SCARB2: variants seen among roughly 807,000 people sequenced by gnomAD.
The protein encoded by SCARB2 is lysosome membrane protein 2.
SCARB2 carries 29 observed loss-of-function variants against 58.6 expected under a neutral mutation model. That is an observed-to-expected ratio of 0.49 (90% CI 0.37 to 0.67). SCARB2 has a LOEUF of 0.67. Ranked by LOEUF, SCARB2 falls within the 30% of genes least tolerant of loss-of-function variation. SCARB2 has a pLI of 0.00. For synonymous variants in SCARB2, 195 were observed against 210.1 expected, an observed-to-expected ratio of 0.93 and a Z score of 0.62; for missense variants, 488 against 578.5, an observed-to-expected ratio of 0.84 and a Z score of 1.60.
intron 1 of SCARB2, among the ~76,000 whole-genome samples, chr4:76,225,597 GC>G (rs1733383411): frequency 6.6e-6 from 1 of 152,208 alleles, no homozygotes; most frequent in Non-Finnish European, 1.5e-5. Context: ...TAATCATAAA[GC>G]GATGCTGGAT....
intron 7 of SCARB2, among the ~76,000 whole-genome samples, chr4:76,170,441 T>A (rs1162671465): frequency 3.3e-5 from 5 of 152,212 alleles, no homozygotes; most frequent in Admixed American, 6.5e-5. Context: ...AAGGGTGTTG[T>A]ACCTCAAAGC....
chr4:76,207,720 T>C (rs1732956996), intron 1 of SCARB2, among the ~76,000 whole-genome samples: 1 of 152,236 alleles, frequency 6.6e-6, no homozygotes, highest in South Asian at 2.1e-4. Flanking sequence ...TTTTCATCAA[T>C]GAGCTTATAA....
intron 2 of SCARB2, among the ~76,000 whole-genome samples, chr4:76,181,657 T>C (rs930527740): frequency 6.6e-6 from 1 of 152,114 alleles, no homozygotes; most frequent in African/African-American, 2.4e-5. Flanking sequence ...CTCAGCCTCC[T>C]GGGCTCAAAC....
intron 1 of SCARB2, among the ~76,000 whole-genome samples, chr4:76,196,192 A>C (rs1285507549): frequency 2.0e-5 from 3 of 152,208 alleles, no homozygotes; most frequent in Non-Finnish European, 4.4e-5. Context: ...GTCTCTACTA[A>C]AAATACAAAA....
At chr4:76,222,800 AG>A (rs915920343) in intron 1 of SCARB2, among the ~76,000 whole-genome samples, 3 of 152,178 alleles carry the variant, frequency 2.0e-5, no homozygotes, top group African/African-American at 7.2e-5. Flanking sequence ...AGGTCTGGGT[AG>A]GGGAAGAAGA....
At chr4:76,216,933 G>A (rs1397625954), upstream of SCARB2, among the ~76,000 whole-genome samples, 3 of 152,178 alleles carry the variant, frequency 2.0e-5, no homozygotes, top group Admixed American at 1.3e-4. Context: ...TATCACCGAG[G>A]CTGGCATAAC....
intron 10 of SCARB2, 197 bp from the exon 11 acceptor site, chr4:76,163,580 A>T (rs1391903067): frequency 3.2e-6 from 2 of 620,096 alleles, no homozygotes; most frequent in Non-Finnish European, 5.6e-6. Flanking sequence ...TCCTGAAGAC[A>T]TTTTTTTTAC....
chr4:76,204,347 T>C (rs144889631), intron 1 of SCARB2, among the ~76,000 whole-genome samples: 2 of 152,348 alleles, frequency 1.3e-5, no homozygotes, highest in African/African-American at 4.8e-5. Context: ...TCACTGTTGC[T>C]TAACTCATTT....
upstream of SCARB2, chr4:76,214,436 C>A: frequency 2.5e-6 from 1 of 397,214 alleles, no homozygotes. Context: ...TGAGCAAAGG[C>A]ATTGGGGGTG....
At chr4:76,218,446 A>T (rs969569338), upstream of SCARB2, among the ~76,000 whole-genome samples, 3 of 152,120 alleles carry the variant, frequency 2.0e-5, no homozygotes, top group African/African-American at 7.2e-5. Context: ...TATCACATGC[A>T]CCTGTGCCAG....
At chr4:76,229,250 TG>T (rs1733451952) in intron 1 of SCARB2, among the ~76,000 whole-genome samples, 1 of 152,228 alleles carries the variant, frequency 6.6e-6, no homozygotes, top group East Asian at 1.9e-4. Flanking sequence ...TGTCTTGTAT[TG>T]TTTTTTAAAT....
chr4:76,197,793 G>A (rs1732744103), intron 1 of SCARB2, among the ~76,000 whole-genome samples: 1 of 152,090 alleles, frequency 6.6e-6, no homozygotes, highest in Non-Finnish European at 1.5e-5. Flanking sequence ...TTATAATTCA[G>A]GTCCGGATTA....
chr4:76,174,088 C>G lies in SCARB2; in HGVS notation c.994+56G>C, dbSNP rs1053649099. On this transcript the variant is annotated intron_variant, in intron 7 of 11. Coordinates refer to ENST00000264896, the MANE Select transcript of SCARB2 (RefSeq NM_005506.4). Reference sequence around the variant, plus strand: ...GCCCAGCTACATATTCTTTGTTGAACTCCAATCCTTCTGCATTCTTGACAC... The same window carrying G: ...GCCCAGCTACATATTCTTTGTTGAAGTCCAATCCTTCTGCATTCTTGACAC... 2.5e-6 allele frequency: 4 copies of G among 1,603,960 alleles called. No homozygotes were observed. In the African/African-American group the frequency reaches 5.4e-5, roughly 22 times the overall value.
chr4:76,180,996 G>A lies in SCARB2; in HGVS notation c.381C>T (p.Asp127=). The part of the protein sequence containing the change: ...YVFERDQSVG[D]PKIDLIRTLN... ...ATGTTCTAATTAAGTCAATTTTAGG[G>A]TCTCCAACAGATTGGTCTCGTTCAA... Residue 127 remains aspartate, a synonymous_variant, in exon 3 of 12, where the codon GAC becomes GAT. Transcript: ENST00000264896. The A allele has an allele frequency of 6.2e-7, 1 of 1,613,488 alleles. No homozygotes were observed. Among genetic ancestry groups the A allele is most frequent in the Non-Finnish European group, 8.5e-7 (1 of 1,179,758 alleles).
chr4:76,211,339 T>C (rs1045254872), intron 1 of SCARB2, among the ~76,000 whole-genome samples: 1 of 139,692 alleles, frequency 7.2e-6, no homozygotes, highest in African/African-American at 2.8e-5. Flanking sequence ...TTACAAGCAA[T>C]GAAATTGAGG....
rs575647270 is a variant in SCARB2 at position 76,203,909 on chromosome 4, G to A, written c.118-8045C>T. On this transcript the variant is annotated intron_variant, in intron 1 of 11. Transcript: ENST00000264896. ...ATCCATTAGGCTTTCACGGGAATCA[G>A]TAATACCTTTAAGGAAAGTTTCGGG... is the stretch of plus-strand genomic sequence containing the variant. Among the ~76,000 whole-genome samples, 13 of 152,334 alleles carry A rather than the reference G, an allele frequency of 8.5e-5. 1 individual carries two copies. The South Asian group carries it at 1.2e-3, about 15-fold the overall frequency.
intron 10 of SCARB2, chr4:76,165,195 G>C (rs527257397): frequency 1.3e-4 from 20 of 152,252 alleles, no homozygotes; most frequent in African/African-American, 4.8e-4. Context: ...ATGATCAGGA[G>C]CAATTGCAAA....
At chr4:76,206,346 C>T (rs913958941) in intron 1 of SCARB2, among the ~76,000 whole-genome samples, 1 of 152,112 alleles carries the variant, frequency 6.6e-6, no homozygotes, top group Non-Finnish European at 1.5e-5. Context: ...TAAGGGTCAG[C>T]CTCTTTTCTG....
intron 7 of SCARB2, among the ~76,000 whole-genome samples, chr4:76,172,239 G>A (rs761879560): frequency 7.4e-5 from 11 of 148,914 alleles, no homozygotes; most frequent in South Asian, 6.3e-4. Context: ...TATGATATAC[G>A]TATATATAAA....
Sources: allele counts gnomAD v4.1 joint callset (sites outside exome capture counted in the v4.1 genomes callset), GRCh38; gene constraint gnomAD v4.1.1; transcripts MANE v1.5; gene names NCBI Gene and HGNC (gene_info 2026-07-23, HGNC 2026-07-21).